The following GALNT17 variants were observed in gnomAD, a reference collection of about 807,000 sequenced individuals.
GALNT17 encodes the protein UDP-GalNAc:polypeptide N-acetylgalactosaminyltransferase-like 3.
A neutral mutation model predicts 63.7 loss-of-function variants in GALNT17; 29 were observed. That is an observed-to-expected ratio of 0.46 (90% CI 0.34 to 0.62). The LOEUF is 0.62. Among genes scored for constraint, GALNT17 ranks in the 20% least tolerant of loss-of-function variants. GALNT17 has a pLI of 0.01. For synonymous variants in GALNT17, 305 were observed against 318.3 expected (o/e 0.96, Z 0.45); for missense variants, 603 against 799.6 (o/e 0.75, Z 2.97).
At chr7:71,163,921 T>A (rs542432235) in intron 1 of GALNT17, among the ~76,000 whole-genome samples, 1 of 152,230 alleles carries the variant, frequency 6.6e-6, no homozygotes, top group Non-Finnish European at 1.5e-5. Flanking sequence ...CTATTACCTT[T>A]TAGTAGCTGT....
intron 9 of GALNT17, among the ~76,000 whole-genome samples, chr7:71,684,797 GGA>G (rs1791327827): frequency 6.6e-6 from 1 of 151,996 alleles, no homozygotes; most frequent in African/African-American, 2.4e-5. Flanking sequence ...AGAGTAACTG[GGA>G]CTACTGGTTA....
intron 6 of GALNT17, among the ~76,000 whole-genome samples, chr7:71,581,315 A>C (rs1277838132): frequency 6.6e-6 from 1 of 152,010 alleles, no homozygotes; most frequent in African/African-American, 2.4e-5. Context: ...GTGCACTACC[A>C]TGCTCGGCTA....
chr7:71,264,301 C>T (rs561051874), intron 1 of GALNT17, among the ~76,000 whole-genome samples: 28 of 152,222 alleles, frequency 1.8e-4, no homozygotes, highest in African/African-American at 6.5e-4. Context: ...ATTTAGTCTT[C>T]GGTTCATTCT....
At chr7:71,627,114 G>C (rs371931314) in intron 6 of GALNT17, among the ~76,000 whole-genome samples, 1 of 152,208 alleles carries the variant, frequency 6.6e-6, no homozygotes, top group East Asian at 1.9e-4. Context: ...AAAAAATAAA[G>C]GAGTTTCGTG....
At chr7:71,220,372 TG>T (rs1371284474) in intron 1 of GALNT17, among the ~76,000 whole-genome samples, 1 of 152,188 alleles carries the variant, frequency 6.6e-6, no homozygotes, top group African/African-American at 2.4e-5. Context: ...CAACAGAAAC[TG>T]GTTTGGCTTG....
chr7:71,360,858 A>C (rs1252799947), intron 2 of GALNT17, among the ~76,000 whole-genome samples: 1 of 152,154 alleles, frequency 6.6e-6, no homozygotes, highest in Non-Finnish European at 1.5e-5. Flanking sequence ...GAATTGCTTG[A>C]ACCCGGGAGG....
At chr7:71,674,796 C>T (rs146408877) in intron 8 of GALNT17, among the ~76,000 whole-genome samples, 3,151 of 152,218 alleles carry the variant, frequency 0.021, 112 homozygotes, top group African/African-American at 0.071. Flanking sequence ...GGATTACAGG[C>T]GTGAGCCACC....
chr7:71,187,286 C>CTTT (rs74272911), intron 1 of GALNT17, among the ~76,000 whole-genome samples: 1 of 123,316 alleles, frequency 8.1e-6, no homozygotes, highest in Non-Finnish European at 1.6e-5. Context: ...ATTTTTCTTT[C>CTTT]TTTTTTTTTT....
intron 9 of GALNT17, among the ~76,000 whole-genome samples, chr7:71,695,922 C>T (rs1791534073): frequency 6.6e-6 from 1 of 152,114 alleles, no homozygotes; most frequent in African/African-American, 2.4e-5. Context: ...GGCCCAGCTT[C>T]CCAAACACCC....
intron 6 of GALNT17, among the ~76,000 whole-genome samples, chr7:71,591,386 G>C (rs1012381525): frequency 5.3e-5 from 8 of 152,038 alleles, no homozygotes; most frequent in Non-Finnish European, 1.2e-4. Flanking sequence ...CAAATCACAA[G>C]GAACAGCTGT....
chr7:71,516,639 A>T (rs893289775), intron 5 of GALNT17, among the ~76,000 whole-genome samples: 1 of 152,114 alleles, frequency 6.6e-6, no homozygotes, highest in African/African-American at 2.4e-5. Context: ...CTTGAAGAAA[A>T]TAGGAACTTG....
intron 6 of GALNT17, among the ~76,000 whole-genome samples, chr7:71,661,704 G>A (rs1386076797): frequency 3.3e-5 from 5 of 152,158 alleles, no homozygotes; most frequent in Admixed American, 2.6e-4. Flanking sequence ...TTCACCCTGG[G>A]CTTGCTGGAC....
intron 1 of GALNT17, among the ~76,000 whole-genome samples, chr7:71,141,016 C>A (rs979765927): frequency 1.1e-5 from 1 of 93,820 alleles, no homozygotes; most frequent in Admixed American, 1.2e-4. Flanking sequence ...CAGAGCAAGA[C>A]CCAAACTCTA....
At chr7:71,603,703 G>GCTGGATACCATGCTAAGTGCATACA (rs1480830087) in intron 6 of GALNT17, among the ~76,000 whole-genome samples, 5 of 149,206 alleles carry the variant, frequency 3.4e-5, no homozygotes, top group Non-Finnish European at 7.4e-5. Flanking sequence ...AAGTGCATAT[G>GCTGGATACCATGCTAAGTGCATACA]CTGGATACCA....
chr7:71,185,918 A>G (rs1788843152), intron 1 of GALNT17, among the ~76,000 whole-genome samples: 1 of 152,232 alleles, frequency 6.6e-6, no homozygotes, highest in African/African-American at 2.4e-5. Flanking sequence ...ATGAAGCACA[A>G]GCTGTGTCTC....
At chr7:71,599,946 A>G (rs1046395669) in intron 6 of GALNT17, among the ~76,000 whole-genome samples, 3 of 151,880 alleles carry the variant, frequency 2.0e-5, no homozygotes, top group African/African-American at 7.2e-5. Flanking sequence ...TACCCACCAG[A>G]TAACAGCCAT....
At chr7:71,481,201 C>T (rs1402902450) in intron 5 of GALNT17, among the ~76,000 whole-genome samples, 1 of 152,192 alleles carries the variant, frequency 6.6e-6, no homozygotes, top group African/African-American at 2.4e-5. Context: ...AATCCCAGTA[C>T]TTTGGGAGGC....
chr7:71,482,791 T>G (rs1303056525), intron 5 of GALNT17, among the ~76,000 whole-genome samples: 1 of 151,086 alleles, frequency 6.6e-6, no homozygotes, highest in African/African-American at 2.4e-5. Context: ...GGTGGGGAGG[T>G]GTCAGGATGA....
chr7:71,334,713 A>G (rs566772678), intron 1 of GALNT17, among the ~76,000 whole-genome samples: 2 of 152,180 alleles, frequency 1.3e-5, no homozygotes, highest in African/African-American at 4.8e-5. Flanking sequence ...TCTACTTGGC[A>G]CTGTTATCAC....
Sources: allele counts gnomAD v4.1 joint callset (sites outside exome capture counted in the v4.1 genomes callset), GRCh38; gene constraint gnomAD v4.1.1; transcripts MANE v1.5; gene names NCBI Gene and HGNC (gene_info 2026-07-23, HGNC 2026-07-21).